Variants in WNK2 observed in about 807,000 individuals in gnomAD.
WNK2 encodes WNK lysine deficient protein kinase 2, also known as serine/threonine-protein kinase WNK2.
Under a neutral mutation model 192.1 loss-of-function variants are expected in WNK2, and 67 were observed. That is an observed-to-expected ratio of 0.35 (90% CI 0.29 to 0.43). WNK2 has a LOEUF of 0.43. WNK2 is among the 20% of genes least tolerant of loss of function. The pLI, the probability that WNK2 is intolerant of heterozygous loss-of-function variation, is 1.00. For missense variants in WNK2, 2,698 were observed against 3,089.7 expected, an observed-to-expected ratio of 0.87 and a Z score of 3.01; for synonymous variants, 1,439 against 1,393.9, an observed-to-expected ratio of 1.03 and a Z score of -0.72.
At chr9:93,184,785 C>T (rs2130822201) in intron 1 of WNK2, 143 bp from the exon 2 acceptor site, 4 of 681,992 alleles carry the variant, frequency 5.9e-6, no homozygotes, top group Non-Finnish European at 8.1e-6. Context: ...TTTCCCAGGG[C>T]CCCCAGAGAC....
rs146935315 is a variant in WNK2 at position 93,294,153 on chromosome 9, G to A, written c.5708+980G>A. Reference sequence around the variant, plus strand: ...GAAATCACAGGCTTATGTGGGAAGAGCCGTGCACATCTCCTTTCTCTCCTG... The same window carrying A: ...GAAATCACAGGCTTATGTGGGAAGAACCGTGCACATCTCCTTTCTCTCCTG... On this transcript the variant is annotated intron_variant, in intron 23 of 29. Transcript: ENST00000427277. Among the ~76,000 whole-genome samples the A allele has an allele frequency of 9.5e-3, 1,445 of 152,352 alleles. 62 individuals carry two copies. The highest frequency in any genetic ancestry group is 0.076 in the Admixed American group (1,167 of 15,304).
chr9:93,185,165 G>A lies in WNK2; in HGVS notation c.236G>A (p.Cys79Tyr). 8.0e-7 allele frequency: 1 copy of A among 1,250,644 alleles called. No individual in the cohort carries two copies. Among genetic ancestry groups the A allele is most frequent in the Admixed American group, 3.7e-5 (1 of 27,166 alleles). The allele number at this position is 1,250,644 out of a possible 1,614,324, so 77.5% of individuals were successfully genotyped here. A position where few individuals can be genotyped will look rare whatever the true frequency, so the allele number is the denominator to read the frequency against. ...QPLQRRVLLL[C>Y]KTRRLIAERA... The stretch of plus-strand genomic sequence containing the variant: ...CTGCAGCGCCGGGTGCTTCTGCTCT[G>A]CAAGACGCGCCGCCTCATCGCGGAG... The change falls in exon 2 of 30, where the codon TGC becomes TAC. Residue 79 changes from cysteine (C) to tyrosine (Y), a missense_variant. Around this residue, in one of 7 missense-constraint regions of WNK2, gnomAD observed 260 missense variants for 285.6 expected, o/e 0.91. Coordinates refer to ENST00000427277, the MANE Select transcript of WNK2 (RefSeq NM_006648.4).
intron 23 of WNK2, among the ~76,000 whole-genome samples, chr9:93,297,110 TGGCGTCCTCCCCTCGGCGTCCTCCCCTC>T (rs1311955381): frequency 3.1e-5 from 4 of 128,924 alleles, no homozygotes; most frequent in African/African-American, 9.0e-5. Flanking sequence ...TTCCTCCCCT[TGGCGTCCTCCCCTCGGCGTCCTCCCCTC>T]GGCGTCATCC....
chr9:93,283,501 A>G (rs1194837318), intron 19 of WNK2, among the ~76,000 whole-genome samples: 1 of 152,214 alleles, frequency 6.6e-6, no homozygotes, highest in Non-Finnish European at 1.5e-5. Context: ...TAAGACAAAT[A>G]TAAGAATTTG....
At chr9:93,254,481 C>T (rs567846813) in intron 9 of WNK2, among the ~76,000 whole-genome samples, 1 of 152,328 alleles carries the variant, frequency 6.6e-6, no homozygotes, top group Non-Finnish European at 1.5e-5. Flanking sequence ...CCCTTGCATG[C>T]GGGACCAGCC....
At chr9:93,256,852 G>C in intron 10 of WNK2, 96 bp from the exon 11 acceptor site, 13 of 1,166,932 alleles carry the variant, frequency 1.1e-5, no homozygotes, top group Non-Finnish European at 1.5e-5. Context: ...GTGTGCATGT[G>C]AGGGTGAGGG....
Position 93,229,354 on chromosome 9 carries a change from A to G in WNK2, c.682-342A>G, listed in dbSNP as rs1028691550. ...TAAACTGATGATCCATTCTTTTCAC[A>G]AACACACAGAAAGTGAGTGATTGTG... On this transcript the variant is annotated intron_variant, in intron 2 of 29. Coordinates refer to ENST00000427277, the MANE Select transcript of WNK2 (RefSeq NM_006648.4). This position sits in a 1 kb window ranked among gnomAD's most constrained non-coding sequence, Gnocchi z 4.9. Among the ~76,000 whole-genome samples, 4 of 152,212 alleles carry G rather than the reference A, an allele frequency of 2.6e-5. No individual in the cohort carries two copies. The highest frequency in any genetic ancestry group is 9.7e-5 in the African/African-American group (4 of 41,444).
At chr9:93,231,193 A>AGG in intron 4 of WNK2, 85 bp downstream of exon 4, 1 of 1,368,154 alleles carries the variant, frequency 7.3e-7, no homozygotes, top group South Asian at 1.2e-5. Context: ...AGTTTTGTTC[A>AGG]GACCTGGTGC....
At chr9:93,296,852 T>C (rs1426644195) in intron 23 of WNK2, among the ~76,000 whole-genome samples, 1 of 94,666 alleles carries the variant, frequency 1.1e-5, no homozygotes, top group African/African-American at 5.0e-5. Flanking sequence ...CCTCCATCCT[T>C]CCTTCACCTT....
intron 2 of WNK2, among the ~76,000 whole-genome samples, chr9:93,203,085 C>T (rs1279791075): frequency 1.3e-5 from 2 of 149,280 alleles, no homozygotes; most frequent in African/African-American, 5.0e-5. Context: ...TGGGGTGGGG[C>T]AGTGATGCTT....
chr9:93,250,787 T>C (rs1320398624), intron 8 of WNK2, among the ~76,000 whole-genome samples: 1 of 149,380 alleles, frequency 6.7e-6, no homozygotes, highest in Admixed American at 6.6e-5. Flanking sequence ...ATTCACTTTT[T>C]TTTTTTTTTT....
At chr9:93,295,168 C>T (rs1034880970) in intron 23 of WNK2, among the ~76,000 whole-genome samples, 35 of 152,142 alleles carry the variant, frequency 2.3e-4, no homozygotes, top group Admixed American at 1.3e-4. Flanking sequence ...TCCAGGGCAC[C>T]CCCTGTGTCG....
At position 93,257,655 on chromosome 9, in the gene WNK2, A is replaced by G. The variant is rs1374857452; in HGVS notation, c.2382+516A>G. Among the ~76,000 whole-genome samples, 7 of 152,224 alleles carry G rather than the reference A, an allele frequency of 4.6e-5. No homozygotes were observed. The highest frequency in any genetic ancestry group is 8.8e-5 in the Non-Finnish European group (6 of 68,032). On this transcript the variant is annotated intron_variant, in intron 11 of 29. Coordinates refer to ENST00000427277, the MANE Select transcript of WNK2 (RefSeq NM_006648.4). This position sits in a 1 kb window ranked among gnomAD's most constrained non-coding sequence, Gnocchi z 4.7. Reference sequence around the variant, plus strand: ...CAGAAAGCAGGTAGGTTTGCCTCAGAGGAGCGTTCTTCCTGTGGAGCTCCT... The same window carrying G: ...CAGAAAGCAGGTAGGTTTGCCTCAGGGGAGCGTTCTTCCTGTGGAGCTCCT...
At chr9:93,263,166 C>T in intron 14 of WNK2, 3 of 374,228 alleles carry the variant, frequency 8.0e-6, no homozygotes, top group Non-Finnish European at 9.9e-6. Context: ...TTTGTTCCAC[C>T]CTCCTGGGGT....
rs59582411 is a variant in WNK2, at chr9:93,199,899, C to CA, written c.681+14301dup. On this transcript the variant is annotated intron_variant, in intron 2 of 29. Transcript: ENST00000427277. ...GGCGACAGAGCAAGACTCTTTGTCT[C>CA]AAAAAAAAAAAAGAAAACACAAAGC... 1.6e-3 allele frequency among the ~76,000 whole-genome samples: 172 copies of CA among 107,716 alleles called. 5 individuals are homozygous for CA. Among genetic ancestry groups the CA allele is most frequent in the South Asian group, 3.9e-3 (13 of 3,318 alleles). The allele number at this position is 107,716 out of a possible 152,430, so 70.7% of individuals were successfully genotyped here. A position where few individuals can be genotyped will look rare whatever the true frequency, so the allele number is the denominator to read the frequency against.
Position 93,288,973 on chromosome 9 carries a change from C to G in WNK2, c.4219C>G (p.Pro1407Ala), listed in dbSNP as rs755491247. 2.1e-5 allele frequency: 34 copies of G among 1,602,918 alleles called. No homozygotes were observed. In the East Asian group the frequency reaches 7.4e-4, roughly 35 times the overall value. ...DGAAPATSTM[P>A]EPASGTASQA... ...AGCAGCTCCAGCCACCAGCACCATG[C>G]CAGAGCCAGCGTCAGGAACTGCCAG... The change falls in exon 20 of 30, where the codon CCA (proline) becomes GCA (alanine). Residue 1407 changes from proline to alanine, a missense_variant. Pro to Ala is a conservative substitution (Grantham distance 27). Coordinates refer to ENST00000427277, the MANE Select transcript of WNK2 (RefSeq NM_006648.4).
chr9:93,289,720 C>T (rs1849017522), intron 20 of WNK2, 100 bp downstream of exon 20: 8 of 1,230,670 alleles, frequency 6.5e-6, no homozygotes, highest in Non-Finnish European at 8.7e-6. Context: ...TGCAGAGCCG[C>T]CCTCACTCAG....
Position 93,293,001 on chromosome 9 carries a change from A to G in WNK2, c.5536A>G (p.Arg1846Gly), listed in dbSNP as rs774027865. 2 of 1,582,770 alleles carry G rather than the reference A, an allele frequency of 1.3e-6. No homozygotes were observed. Among genetic ancestry groups the G allele is most frequent in the Non-Finnish European group, 1.7e-6 (2 of 1,166,216 alleles). ...GAAGAAGGCCACCGCCTTCCTGCAG[A>G]GGCCTTCTCGGGCCGGCTCGCTGGG... is the stretch of plus-strand genomic sequence containing the variant. ...FVKKATAFLQ[R>G]PSRAGSLGPE... The change falls in exon 23 of 30, where the codon AGG (arginine) becomes GGG (glycine). Residue 1846 changes from arginine to glycine, a missense_variant. Transcript: ENST00000427277.
intron 28 of WNK2, chr9:93,315,414 C>T (rs1047254192): frequency 3.3e-5 from 5 of 152,232 alleles, no homozygotes; most frequent in Admixed American, 1.3e-4. Flanking sequence ...TGCGGATGGC[C>T]TGCCGCTGTG....
Sources: gnomAD v4.1 joint callset for allele counts (sites outside exome capture counted in the v4.1 genomes callset) on GRCh38, gnomAD v4.1.1 for gene constraint, gnomAD v4.1.1 regional missense constraint, Gnocchi (gnomAD v3.1) non-coding constraint, MANE v1.5 for transcripts, NCBI Gene and HGNC (gene_info 2026-07-23, HGNC 2026-07-21) for gene names.